APOLD1: variants seen among roughly 807,000 people sequenced by gnomAD.
APOLD1 encodes apolipoprotein L domain-containing protein 1.
Under a neutral mutation model 15.3 loss-of-function variants are expected in APOLD1, and 22 were observed. The observed-to-expected ratio is 1.44, with a 90% CI of 1.03 to 2.05. The LOEUF (loss-of-function observed/expected upper bound fraction) is 2.05. Among genes scored for constraint, APOLD1 ranks in the 30% most tolerant of loss-of-function variants. APOLD1 has a pLI of 0.00. For synonymous variants in APOLD1, 190 were observed against 167.4 expected (o/e 1.13, Z -1.04); for missense variants, 394 against 353.5 (o/e 1.11, Z -0.92).
chr12:12,735,726 G>A (rs1467030745), intron 1 of APOLD1, among the ~76,000 whole-genome samples: 1 of 152,062 alleles, frequency 6.6e-6, no homozygotes, highest in Admixed American at 6.6e-5. Context: ...AGGATCATTC[G>A]AGGTTAGGCA....
chr12:12,730,545 G>A (rs988755039), intron 1 of APOLD1, among the ~76,000 whole-genome samples: 3 of 151,686 alleles, frequency 2.0e-5, no homozygotes, highest in Non-Finnish European at 1.5e-5. Flanking sequence ...GCCGGGCGTG[G>A]TGGCAGGCAC....
intron 1 of APOLD1, among the ~76,000 whole-genome samples, chr12:12,764,216 G>C (rs1354136812): frequency 6.6e-6 from 1 of 152,134 alleles, no homozygotes; most frequent in African/African-American, 2.4e-5. Flanking sequence ...ACCCATCTCG[G>C]CCTCCCAAAG....
At chr12:12,729,404 C>T (rs193265987) in intron 1 of APOLD1, among the ~76,000 whole-genome samples, 15 of 152,112 alleles carry the variant, frequency 9.9e-5, no homozygotes, top group Non-Finnish European at 4.4e-5. Context: ...CGACAATAAA[C>T]ATAGAATTCA....
intron 1 of APOLD1, among the ~76,000 whole-genome samples, chr12:12,745,073 T>C (rs1351458571): frequency 6.6e-6 from 1 of 152,174 alleles, no homozygotes; most frequent in Non-Finnish European, 1.5e-5. Flanking sequence ...GTACTGGCAA[T>C]ACCTCCCTTC....
intron 1 of APOLD1, among the ~76,000 whole-genome samples, chr12:12,758,756 T>G (rs1463382475): frequency 2.0e-5 from 3 of 152,206 alleles, no homozygotes; most frequent in Non-Finnish European, 4.4e-5. Context: ...TTCTTTTTCC[T>G]TCTTCACAGT....
At chr12:12,745,624 C>T (rs1946759813) in intron 1 of APOLD1, among the ~76,000 whole-genome samples, 1 of 152,122 alleles carries the variant, frequency 6.6e-6, no homozygotes, top group South Asian at 2.1e-4. Flanking sequence ...TAATGGAAAG[C>T]TTCCTATATT....
chr12:12,758,036 C>T (rs1440218006), intron 1 of APOLD1, among the ~76,000 whole-genome samples: 1 of 149,440 alleles, frequency 6.7e-6, no homozygotes, highest in Non-Finnish European at 1.5e-5. Flanking sequence ...AGTGATTCTC[C>T]TGCCTCAGCC....
At chr12:12,755,229 G>T (rs1676430926) in intron 1 of APOLD1, among the ~76,000 whole-genome samples, 1 of 152,142 alleles carries the variant, frequency 6.6e-6, no homozygotes, top group African/African-American at 2.4e-5. Flanking sequence ...TATCAGTAGT[G>T]CTGGGACAAT....
At chr12:12,780,253 T>C (rs1481142574) in intron 1 of APOLD1, among the ~76,000 whole-genome samples, 2 of 151,290 alleles carry the variant, frequency 1.3e-5, no homozygotes, top group Admixed American at 6.6e-5. Flanking sequence ...AATTTGCTTT[T>C]TTTTTTTTTG....
intron 1 of APOLD1, among the ~76,000 whole-genome samples, chr12:12,757,935 AT>A (rs1165098356): frequency 7.1e-6 from 1 of 140,116 alleles, no homozygotes; most frequent in Non-Finnish European, 1.5e-5. Context: ...CTAATTCAAT[AT>A]CTTTTTTTTT....
intron 1 of APOLD1, among the ~76,000 whole-genome samples, chr12:12,774,267 G>A (rs1026853906): frequency 5.3e-5 from 8 of 151,924 alleles, no homozygotes; most frequent in African/African-American, 1.5e-4. Flanking sequence ...GAACCTGGAC[G>A]GGTGTGGTGG....
intron 1 of APOLD1, among the ~76,000 whole-genome samples, chr12:12,777,889 G>GTTTTTTTTT (rs71436735): frequency 4.7e-4 from 55 of 117,100 alleles, no homozygotes; most frequent in Non-Finnish European, 7.5e-4. Flanking sequence ...AAGGAAAGGT[G>GTTTTTTTTT]TTTTTTTTTT....
At chr12:12,762,311 G>T (rs151004528) in intron 1 of APOLD1, among the ~76,000 whole-genome samples, 73 of 152,118 alleles carry the variant, frequency 4.8e-4, no homozygotes, top group Admixed American at 1.9e-3. Context: ...ATGCAGGTAG[G>T]AAACAAGGAA....
chr12:12,783,707 C>T (rs555000057), upstream of APOLD1, among the ~76,000 whole-genome samples: 3 of 149,424 alleles, frequency 2.0e-5, no homozygotes, highest in African/African-American at 4.9e-5. Context: ...CATTATAGCT[C>T]ACTGCAGCCT....
Position 12,790,146 on chromosome 12 carries a change from G to A in APOLD1, c.*2494G>A, listed in dbSNP as rs1003912583. The A allele has an allele frequency of 6.6e-6, 1 of 152,078 alleles. No homozygotes were observed. 9.4% of individuals were successfully genotyped at this position (152,078 alleles called of 1,614,324 possible). On this transcript the variant is annotated 3_prime_UTR_variant, in exon 2 of 2. Coordinates refer to ENST00000356591, the MANE Select transcript of APOLD1 (RefSeq NM_030817.3). ...AGCCTCCTGAGTAGCTGGGATTACA[G>A]ATGTGCACCAGCACACCCGGCTAAT...
chr12:12,770,286 C>A (rs909982290), intron 1 of APOLD1, among the ~76,000 whole-genome samples: 66 of 151,940 alleles, frequency 4.3e-4, no homozygotes, highest in African/African-American at 1.5e-3. Context: ...ATGCCTGTAA[C>A]CCCAGCTACT....
chr12:12,748,718 A>G (rs1946784365), intron 1 of APOLD1, among the ~76,000 whole-genome samples: 1 of 152,136 alleles, frequency 6.6e-6, no homozygotes, highest in African/African-American at 2.4e-5. Flanking sequence ...GCACAGGAAA[A>G]AAATGTTTAC....
intron 1 of APOLD1, among the ~76,000 whole-genome samples, chr12:12,741,872 C>T (rs997616327): frequency 7.2e-5 from 11 of 152,176 alleles, no homozygotes; most frequent in African/African-American, 2.4e-4. Flanking sequence ...TCACACAAGG[C>T]AGCTGAGTCT....
chr12:12,746,829 T>C (rs577018550), intron 1 of APOLD1, among the ~76,000 whole-genome samples: 5 of 152,288 alleles, frequency 3.3e-5, no homozygotes, highest in African/African-American at 1.2e-4. Flanking sequence ...CCAGTGTCTA[T>C]TCTTATTTTT....
Sources: gnomAD v4.1 joint callset for allele counts (sites outside exome capture counted in the v4.1 genomes callset) on GRCh38, gnomAD v4.1.1 for gene constraint, MANE v1.5 for transcripts, NCBI Gene and HGNC (gene_info 2026-07-23, HGNC 2026-07-21) for gene names.